ROBO1: variants seen among roughly 807,000 people sequenced by gnomAD.
The protein encoded by ROBO1 is roundabout guidance receptor 1.
ROBO1 carries 149 observed loss-of-function variants against 195.9 expected under a neutral mutation model. The ratio of observed to expected loss-of-function variants is 0.76; its 90% CI spans 0.67 to 0.87. ROBO1 has a LOEUF of 0.87. Ranked by LOEUF, ROBO1 falls within the 40% of genes least tolerant of loss-of-function variation. ROBO1 has a pLI of 0.00. For missense variants in ROBO1, 1,933 were observed against 2,068.3 expected (o/e 0.93, Z 1.27); for synonymous variants, 816 against 733.2 (o/e 1.11, Z -1.82).
chr3:79,503,723 T>G (rs749275360), intron 2 of ROBO1, among the ~76,000 whole-genome samples: 180 of 152,190 alleles, frequency 1.2e-3, no homozygotes, highest in Non-Finnish European at 1.7e-3. Flanking sequence ...AAATCTGTTT[T>G]CAGTCTACTA....
intron 10 of ROBO1, among the ~76,000 whole-genome samples, chr3:78,682,981 T>C (rs1431254661): frequency 2.6e-5 from 4 of 152,056 alleles, no homozygotes; most frequent in Non-Finnish European, 5.9e-5. Context: ...ATACATTTTA[T>C]TTCTTTTACT....
intron 2 of ROBO1, among the ~76,000 whole-genome samples, chr3:79,276,721 A>C (rs2031065235): frequency 6.6e-6 from 1 of 152,082 alleles, no homozygotes; most frequent in Non-Finnish European, 1.5e-5. Context: ...CAAACTATCC[A>C]TCTGACAAGG....
At chr3:79,639,411 A>G (rs1308876490) in intron 1 of ROBO1, among the ~76,000 whole-genome samples, 1 of 152,174 alleles carries the variant, frequency 6.6e-6, no homozygotes, top group African/African-American at 2.4e-5. Flanking sequence ...AATAATTATT[A>G]AATAAAATGT....
rs1325669931 is a variant in ROBO1 at position 79,368,665 on chromosome 3, C to A, written c.88+221159G>T. Among the ~76,000 whole-genome samples the A allele has an allele frequency of 2.0e-5, 3 of 152,142 alleles. No individual in the cohort carries two copies. The East Asian group carries it at 5.8e-4, about 30-fold the overall frequency. On this transcript the variant is annotated intron_variant, in intron 2 of 30. Coordinates refer to ENST00000464233, the MANE Select transcript of ROBO1 (RefSeq NM_002941.4). ...CCACTTCACGTTCTTCCCTCAGGCA[C>A]CTTCTTTAGCTTGTCTCACCCTGCT... is the stretch of plus-strand genomic sequence containing the variant.
chr3:79,572,939 G>T (rs1251462658), intron 2 of ROBO1, among the ~76,000 whole-genome samples: 1 of 152,124 alleles, frequency 6.6e-6, no homozygotes, highest in African/African-American at 2.4e-5. Flanking sequence ...TGGGTGCAGC[G>T]TGGAGGTAGA....
rs142658400 is a variant in ROBO1 at position 79,424,266 on chromosome 3, T to C, written c.88+165558A>G. Among the ~76,000 whole-genome samples, 707 of 152,200 alleles carry C rather than the reference T, an allele frequency of 4.6e-3. 5 individuals carry two copies. Among genetic ancestry groups the C allele is most frequent in the African/African-American group, 0.016 (667 of 41,546 alleles). On this transcript the variant is annotated intron_variant, in intron 2 of 30. Coordinates refer to ENST00000464233, the MANE Select transcript of ROBO1 (RefSeq NM_002941.4). ...CTCTGATCTAGATTATTCAGGGGAT[T>C]TCCCTCAAATTAACCATGCACAAAG...
chr3:79,233,898 G>A (rs890175410), intron 2 of ROBO1, among the ~76,000 whole-genome samples: 3 of 151,964 alleles, frequency 2.0e-5, no homozygotes, highest in Admixed American at 6.6e-5. Context: ...GTGAGATGGT[G>A]TCATGCTGCC....
intron 26 of ROBO1, 99 bp downstream of exon 26, chr3:78,627,222 T>C: frequency 2.2e-6 from 3 of 1,352,860 alleles, no homozygotes; most frequent in Admixed American, 2.4e-5. Context: ...AAAAGGCTTA[T>C]GAGACAAGAA....
rs562052712 is a variant in ROBO1 at position 79,259,583 on chromosome 3, C to T, written c.89-134044G>A. ...AACCATCCCCACCTCCCCCTATGCC[C>T]CCACTAGCATTCCCAGCCTCTGGTG... is the stretch of plus-strand genomic sequence containing the variant. On this transcript the variant is annotated intron_variant, in intron 2 of 30. Transcript: ENST00000464233. 3.3e-5 allele frequency among the ~76,000 whole-genome samples: 5 copies of T among 152,158 alleles called. No homozygotes were observed. In the South Asian group the frequency reaches 1.0e-3, roughly 32 times the overall value.
intron 2 of ROBO1, among the ~76,000 whole-genome samples, chr3:79,489,651 CA>C (rs11328226): frequency 0.39 from 34,713 of 88,522 alleles, 4,054 homozygotes; most frequent in Middle Eastern, 0.49. Flanking sequence ...GACTTCATCT[CA>C]AAAAAAAAAA....
At chr3:79,510,245 G>C (rs1190792983) in intron 2 of ROBO1, among the ~76,000 whole-genome samples, 1 of 152,152 alleles carries the variant, frequency 6.6e-6, no homozygotes, top group Non-Finnish European at 1.5e-5. Flanking sequence ...CCGTCCTGCT[G>C]TTCTCATGAC....
chr3:79,683,482 T>G (rs935381397), intron 1 of ROBO1, among the ~76,000 whole-genome samples: 4 of 152,134 alleles, frequency 2.6e-5, no homozygotes, highest in Non-Finnish European at 5.9e-5. Context: ...GTTTACAATT[T>G]ATATCAGGCA....
intron 2 of ROBO1, among the ~76,000 whole-genome samples, chr3:79,242,932 T>C (rs923460793): frequency 2.0e-5 from 3 of 151,814 alleles, no homozygotes; most frequent in Non-Finnish European, 4.4e-5. Flanking sequence ...GCTGCACCTA[T>C]TAACTCATCA....
chr3:78,714,660 C>T (rs2081856170), intron 7 of ROBO1, 136 bp from the exon 8 acceptor site: 1 of 711,964 alleles, frequency 1.4e-6, no homozygotes, highest in African/African-American at 1.8e-5. Flanking sequence ...CATGGTATTC[C>T]TCTAAGTCAG....
intron 2 of ROBO1, among the ~76,000 whole-genome samples, chr3:79,356,563 CT>C (rs2035562286): frequency 6.6e-6 from 1 of 152,176 alleles, no homozygotes; most frequent in Non-Finnish European, 1.5e-5. Flanking sequence ...TTCACTTCAT[CT>C]TTGGCATAGA....
chr3:79,138,691 T>A (rs2108606216), intron 2 of ROBO1, among the ~76,000 whole-genome samples: 1 of 151,994 alleles, frequency 6.6e-6, no homozygotes, highest in Middle Eastern at 3.4e-3. Flanking sequence ...TGTAATAAAT[T>A]GTGGTAATAC....
intron 1 of ROBO1, among the ~76,000 whole-genome samples, chr3:79,753,586 C>G (rs1704236183): frequency 6.6e-6 from 1 of 152,208 alleles, no homozygotes; most frequent in Non-Finnish European, 1.5e-5. Flanking sequence ...CTAGAAATAT[C>G]TTTGCCAATT....
rs1468496872 is a variant in ROBO1 at position 78,639,707 on chromosome 3, A to G, written c.3037+37T>C. The stretch of plus-strand genomic sequence containing the variant: ...AAGATCTTCTGGCTAGTTCCTTAAA[A>G]AGCTTATACATATCAGGCTCTCTCT... On this transcript the variant is annotated intron_variant, in intron 22 of 30. Coordinates refer to ENST00000464233, the MANE Select transcript of ROBO1 (RefSeq NM_002941.4). 3 of 1,552,256 alleles carry G rather than the reference A, an allele frequency of 1.9e-6. No homozygotes were observed. In the South Asian group the frequency reaches 3.6e-5, roughly 19 times the overall value.
chr3:78,875,422 A>G (rs1173196070), intron 4 of ROBO1, among the ~76,000 whole-genome samples: 1 of 151,998 alleles, frequency 6.6e-6, no homozygotes, highest in Non-Finnish European at 1.5e-5. Context: ...GAAGAAATAA[A>G]CCATAAAGTC....
Sources: allele counts gnomAD v4.1 joint callset (sites outside exome capture counted in the v4.1 genomes callset), GRCh38; gene constraint gnomAD v4.1.1; transcripts MANE v1.5; gene names NCBI Gene and HGNC (gene_info 2026-07-23, HGNC 2026-07-21).